Variants in SDK1 observed in about 807,000 individuals in gnomAD.
SDK1 encodes the protein sidekick cell adhesion molecule 1.
A neutral mutation model predicts 245.5 loss-of-function variants in SDK1; 157 were observed. The observed-to-expected ratio is 0.64, with a 90% CI of 0.56 to 0.73. The LOEUF (loss-of-function observed/expected upper bound fraction) is 0.73, where lower values mean the gene tolerates loss of function less well. SDK1 is among the 30% of genes least tolerant of loss of function. SDK1 has a pLI of 0.00. For synonymous variants in SDK1, 1,647 were observed against 1,278.5 expected, an observed-to-expected ratio of 1.29 and a Z score of -6.15; for missense variants, 3,583 against 3,002.3, an observed-to-expected ratio of 1.19 and a Z score of -4.52.
intron 30 of SDK1, among the ~76,000 whole-genome samples, chr7:4,156,725 A>G (rs1229341021): frequency 6.6e-6 from 1 of 152,250 alleles, no homozygotes; most frequent in Non-Finnish European, 1.5e-5. Context: ...GGCCGAATGC[A>G]TAAACCTGAT....
intron 1 of SDK1, among the ~76,000 whole-genome samples, chr7:3,499,686 G>C (rs1782135853): frequency 6.6e-6 from 1 of 152,186 alleles, no homozygotes; most frequent in Non-Finnish European, 1.5e-5. Flanking sequence ...TGCCACTGCA[G>C]GCTACTATAA....
At chr7:4,193,866 T>G (rs1413031802) in intron 35 of SDK1, among the ~76,000 whole-genome samples, 1 of 152,220 alleles carries the variant, frequency 6.6e-6, no homozygotes, top group Non-Finnish European at 1.5e-5. Context: ...AGCTTCATTA[T>G]GTTTCTTGGT....
intron 9 of SDK1, among the ~76,000 whole-genome samples, chr7:3,965,114 G>A (rs12701317): frequency 0.016 from 2,464 of 152,294 alleles, 25 homozygotes; most frequent in Non-Finnish European, 0.026. Flanking sequence ...GGCCTACTCA[G>A]CATTGCTGTA....
chr7:4,066,710 C>G (rs946690459), intron 19 of SDK1, among the ~76,000 whole-genome samples: 2 of 152,228 alleles, frequency 1.3e-5, no homozygotes, highest in Admixed American at 6.5e-5. Context: ...CTAAAAGGCT[C>G]TAAACCTGGG....
chr7:3,905,047 G>T (rs1169520776), intron 5 of SDK1, among the ~76,000 whole-genome samples: 2 of 150,526 alleles, frequency 1.3e-5, no homozygotes, highest in South Asian at 2.1e-4. Context: ...GTATTTTACA[G>T]TCGTAACTTT....
chr7:4,133,832 C>T (rs368752914), intron 28 of SDK1, among the ~76,000 whole-genome samples: 12 of 152,250 alleles, frequency 7.9e-5, no homozygotes, highest in East Asian at 1.9e-4. Context: ...CCAGACACCC[C>T]GATTCGGCTA....
intron 1 of SDK1, among the ~76,000 whole-genome samples, chr7:3,451,881 G>C (rs1780526475): frequency 6.6e-6 from 1 of 152,120 alleles, no homozygotes; most frequent in South Asian, 2.1e-4. Flanking sequence ...AGGTGGTGTT[G>C]GGCAATTGCA....
chr7:3,811,881 T>G (rs1437705959), intron 4 of SDK1, among the ~76,000 whole-genome samples: 1 of 152,218 alleles, frequency 6.6e-6, no homozygotes, highest in Non-Finnish European at 1.5e-5. Context: ...TCCCATCAGA[T>G]TTTTACACTT....
chr7:3,953,170 G>C (rs961379620), intron 7 of SDK1, among the ~76,000 whole-genome samples: 22 of 135,578 alleles, frequency 1.6e-4, no homozygotes, highest in African/African-American at 6.0e-4. Context: ...GCAAAATAAG[G>C]AAAAAAAAAA....
intron 17 of SDK1, among the ~76,000 whole-genome samples, chr7:4,040,107 G>A (rs1788507229): frequency 6.6e-6 from 1 of 152,174 alleles, no homozygotes. Flanking sequence ...CAGGAGGAAA[G>A]ACTCAAATCT....
chr7:3,816,273 C>CA (rs1464736411), intron 4 of SDK1, among the ~76,000 whole-genome samples: 2 of 151,810 alleles, frequency 1.3e-5, no homozygotes, highest in African/African-American at 2.4e-5. Context: ...AAGAGAGACA[C>CA]AAAAAACCCT....
intron 5 of SDK1, among the ~76,000 whole-genome samples, chr7:3,942,012 C>A (rs1490443175): frequency 6.6e-6 from 1 of 151,546 alleles, no homozygotes; most frequent in Non-Finnish European, 1.5e-5. Flanking sequence ...AGGTTCATGC[C>A]ATTCTCCTGC....
rs79614203 is a variant in SDK1, at chr7:4,003,530, C to T, written c.2132-7436C>T. Among the ~76,000 whole-genome samples, 347 of 152,282 alleles carry T rather than the reference C, an allele frequency of 2.3e-3. 2 individuals carry two copies. Among genetic ancestry groups the T allele is most frequent in the African/African-American group, 7.9e-3 (329 of 41,558 alleles). On this transcript the variant is annotated intron_variant, in intron 14 of 44. Coordinates refer to ENST00000404826, the MANE Select transcript of SDK1 (RefSeq NM_152744.4). Reference sequence around the variant, plus strand: ...CCCGTCCAGGATCTGTTTTGTAGAACGTCACTCAATCGGGATTTGTCTGAT... The same window carrying T: ...CCCGTCCAGGATCTGTTTTGTAGAATGTCACTCAATCGGGATTTGTCTGAT...
intron 4 of SDK1, among the ~76,000 whole-genome samples, chr7:3,776,493 A>G (rs568226290): frequency 1.3e-5 from 2 of 152,300 alleles, no homozygotes; most frequent in Admixed American, 1.3e-4. Flanking sequence ...ATCAGATCCC[A>G]TTGTTGTGTA....
intron 2 of SDK1, among the ~76,000 whole-genome samples, chr7:3,622,029 T>C (rs1010032976): frequency 1.5e-4 from 23 of 152,266 alleles, no homozygotes; most frequent in African/African-American, 4.3e-4. Context: ...TAGGCTGATA[T>C]TAGTGTTCGG....
chr7:4,085,753 C>T (rs1171485952), intron 22 of SDK1, among the ~76,000 whole-genome samples: 1 of 152,056 alleles, frequency 6.6e-6, no homozygotes, highest in Non-Finnish European at 1.5e-5. Context: ...TGGGGTTTCA[C>T]CATGTTGGCC....
intron 4 of SDK1, among the ~76,000 whole-genome samples, chr7:3,713,741 A>G (rs1785118477): frequency 6.6e-6 from 1 of 152,248 alleles, no homozygotes; most frequent in South Asian, 2.1e-4. Context: ...TACTCCCTTC[A>G]AAAGGAAAAC....
intron 4 of SDK1, among the ~76,000 whole-genome samples, chr7:3,695,962 T>C (rs937117081): frequency 5.9e-5 from 9 of 152,184 alleles, no homozygotes; most frequent in African/African-American, 1.7e-4. Flanking sequence ...CTGACGCTCA[T>C]TGGCTTCCTG....
intron 37 of SDK1, 70 bp from the exon 38 acceptor site, chr7:4,209,955 G>A (rs923239901): frequency 3.2e-6 from 4 of 1,266,496 alleles, no homozygotes; most frequent in South Asian, 3.6e-5. Context: ...CTATACGGAG[G>A]CACAGACATG....
Sources: gnomAD v4.1 joint callset for allele counts (sites outside exome capture counted in the v4.1 genomes callset) on GRCh38, gnomAD v4.1.1 for gene constraint, MANE v1.5 for transcripts, NCBI Gene and HGNC (gene_info 2026-07-23, HGNC 2026-07-21) for gene names.